The following CSMD3 variants were observed in gnomAD, a reference collection of about 807,000 sequenced individuals.
The protein encoded by CSMD3 is CUB and Sushi multiple domains 3.
A neutral mutation model predicts 435.2 loss-of-function variants in CSMD3; 177 were observed. That is an observed-to-expected ratio of 0.41 (90% CI 0.36 to 0.46). The LOEUF is 0.46. Among genes scored for constraint, CSMD3 ranks in the 20% least tolerant of loss-of-function variants. CSMD3 has a pLI of 0.34. For synonymous variants in CSMD3, 1,656 were observed against 1,520.5 expected, an observed-to-expected ratio of 1.09 and a Z score of -2.07; for missense variants, 4,265 against 4,504.6, an observed-to-expected ratio of 0.95 and a Z score of 1.52.
At chr8:113,260,765 C>T (rs1265827205) in intron 3 of CSMD3, among the ~76,000 whole-genome samples, 1 of 152,052 alleles carries the variant, frequency 6.6e-6, no homozygotes, top group African/African-American at 2.4e-5. Flanking sequence ...GTGATGTTCC[C>T]TTCCCTGTGT....
chr8:112,569,093 G>T (rs1829292682), intron 24 of CSMD3, among the ~76,000 whole-genome samples: 1 of 152,122 alleles, frequency 6.6e-6, no homozygotes, highest in African/African-American at 2.4e-5. Context: ...ACATAAGAGG[G>T]TATCTTACAG....
At chr8:112,580,116 T>A (rs1232570676) in intron 23 of CSMD3, among the ~76,000 whole-genome samples, 1 of 152,024 alleles carries the variant, frequency 6.6e-6, no homozygotes, top group East Asian at 1.9e-4. Flanking sequence ...AAAATAGTAT[T>A]TCTCATTGGT....
At chr8:112,400,898 G>A (rs954117211) in intron 35 of CSMD3, among the ~76,000 whole-genome samples, 7 of 152,088 alleles carry the variant, frequency 4.6e-5, no homozygotes, top group Admixed American at 4.6e-4. Flanking sequence ...GACACAAATG[G>A]TTAATGGTTT....
intron 4 of CSMD3, among the ~76,000 whole-genome samples, chr8:113,158,737 T>C (rs2091981415): frequency 6.6e-6 from 1 of 152,006 alleles, no homozygotes; most frequent in South Asian, 2.1e-4. Context: ...TTGGTTTATA[T>C]ATATTTTTGT....
chr8:112,698,702 G>GAAT lies in CSMD3; in HGVS notation c.1973-8655_1973-8653dup, dbSNP rs539255557. Among the ~76,000 whole-genome samples, 5 of 152,192 alleles carry GAAT rather than the reference G, an allele frequency of 3.3e-5. No individual in the cohort carries two copies. The South Asian group carries it at 1.0e-3, about 32-fold the overall frequency. On this transcript the variant is annotated intron_variant, in intron 13 of 70. Transcript: ENST00000297405. ...AGATAATGGCAGAGTACAACACATTGAATAAAATTTAAATGCATTCATCCA... is the reference window on the plus strand; with the variant it reads ...AGATAATGGCAGAGTACAACACATTGAATAATAAAATTTAAATGCATTCATCCA...
chr8:113,097,696 T>C (rs754441486), intron 5 of CSMD3, among the ~76,000 whole-genome samples: 1 of 152,070 alleles, frequency 6.6e-6, no homozygotes, highest in Admixed American at 6.6e-5. Flanking sequence ...TTGAAGAATA[T>C]TCCAATTAAA....
At chr8:113,163,749 C>T (rs927330713) in intron 4 of CSMD3, among the ~76,000 whole-genome samples, 31 of 151,988 alleles carry the variant, frequency 2.0e-4, no homozygotes, top group African/African-American at 7.5e-4. Context: ...TTGTGTTATA[C>T]ATCACTCATA....
At chr8:113,235,854 G>T (rs1242850328) in intron 3 of CSMD3, among the ~76,000 whole-genome samples, 2 of 138,416 alleles carry the variant, frequency 1.4e-5, no homozygotes, top group East Asian at 2.0e-4. Context: ...TTTTTGCAAG[G>T]TTAGTAACCC....
At chr8:112,629,117 A>G (rs2074437315) in intron 22 of CSMD3, among the ~76,000 whole-genome samples, 1 of 152,196 alleles carries the variant, frequency 6.6e-6, no homozygotes, top group Non-Finnish European at 1.5e-5. Context: ...TGACAGGGTA[A>G]TGGGAATGGA....
chr8:112,459,447 T>C (rs935659727), intron 32 of CSMD3, among the ~76,000 whole-genome samples: 1 of 151,942 alleles, frequency 6.6e-6, no homozygotes, highest in African/African-American at 2.4e-5. Context: ...GTCAAAAGTG[T>C]TGCTAGGCTG....
At chr8:112,829,833 G>T in intron 11 of CSMD3, 44 bp from the exon 12 acceptor site, 2 of 1,067,828 alleles carry the variant, frequency 1.9e-6, no homozygotes, top group Non-Finnish European at 2.9e-6. Flanking sequence ...ACTGCGTTGT[G>T]CAATAAAAAC....
intron 2 of CSMD3, among the ~76,000 whole-genome samples, chr8:113,301,201 T>G (rs2093763755): frequency 1.3e-5 from 2 of 152,092 alleles, no homozygotes; most frequent in African/African-American, 4.8e-5. Context: ...AAACAAAATG[T>G]GAGCAGCATC....
intron 5 of CSMD3, among the ~76,000 whole-genome samples, chr8:113,022,748 C>T (rs138767246): frequency 3.3e-4 from 50 of 151,452 alleles, no homozygotes; most frequent in African/African-American, 7.5e-4. Context: ...GAAAATTTGA[C>T]GTGTCTCTTG....
intron 10 of CSMD3, among the ~76,000 whole-genome samples, chr8:112,864,078 CAT>C (rs1260286946): frequency 1.3e-5 from 2 of 152,016 alleles, no homozygotes; most frequent in Non-Finnish European, 2.9e-5. Context: ...ATAAGAAACA[CAT>C]GTCATTATTT....
chr8:112,755,059 A>C (rs2077657726), intron 13 of CSMD3, among the ~76,000 whole-genome samples: 1 of 152,050 alleles, frequency 6.6e-6, no homozygotes, highest in South Asian at 2.1e-4. Context: ...GGGCCAGGCG[A>C]GGTGGCTCAC....
rs147864174 is a variant in CSMD3 at position 112,336,525 on chromosome 8, TCA to T, written c.7019+125_7019+126del. 8,163 of 779,690 alleles carry T rather than the reference TCA, an allele frequency of 0.01. 441 individuals carry two copies. In the African/African-American group the frequency reaches 0.12, roughly 12 times the overall value. 48.3% of individuals were successfully genotyped at this position (779,690 alleles called of 1,614,324 possible). ...TTCTACAAGACACATACTGTCACCCTCAGTTACTCACATCAATTCAAATATCA... is the reference window on the plus strand; with the variant it reads ...TTCTACAAGACACATACTGTCACCCTGTTACTCACATCAATTCAAATATCA... On this transcript the variant is annotated intron_variant, in intron 44 of 70. Coordinates refer to ENST00000297405, the MANE Select transcript of CSMD3 (RefSeq NM_198123.2).
At chr8:112,458,558 A>C (rs1817100067) in intron 32 of CSMD3, among the ~76,000 whole-genome samples, 1 of 152,124 alleles carries the variant, frequency 6.6e-6, no homozygotes, top group Admixed American at 6.6e-5. Flanking sequence ...TTTTTAAAGT[A>C]ATTATATGCT....
rs13272528 is a variant in CSMD3, at chr8:112,754,712, A to G, written c.1972+45450T>C. ...TTCAAAATAGGAAATCTCCAGGGCA[A>G]AGTGCCTGAAACCTCTGGCAAACCT... On this transcript the variant is annotated intron_variant, in intron 13 of 70. Transcript: ENST00000297405. Among the ~76,000 whole-genome samples, 6 of 152,270 alleles carry G rather than the reference A, an allele frequency of 3.9e-5. No homozygotes were observed. In the South Asian group the frequency reaches 1.2e-3, roughly 32 times the overall value.
rs562617146 is a variant in CSMD3, at chr8:112,827,925, C to A, written c.1859+1761G>T. Among the ~76,000 whole-genome samples the A allele has an allele frequency of 2.0e-5, 3 of 152,124 alleles. No individual in the cohort carries two copies. The East Asian group carries it at 5.8e-4, about 29-fold the overall frequency. ...CTAGGGTCACCAGTTTTACAAGAAG[C>A]CATAAATTCAAATTTTTACATGTAA... On this transcript the variant is annotated intron_variant, in intron 12 of 70. Transcript: ENST00000297405.
Sources: allele counts gnomAD v4.1 joint callset (sites outside exome capture counted in the v4.1 genomes callset), GRCh38; gene constraint gnomAD v4.1.1; transcripts MANE v1.5; gene names NCBI Gene and HGNC (gene_info 2026-07-23, HGNC 2026-07-21).